CDH13: variants seen among roughly 807,000 people sequenced by gnomAD.
The protein encoded by CDH13 is cadherin 13, also known as cadherin-13.
In CDH13, 24 loss-of-function variants were observed where a neutral mutation model predicts 63.8. The observed-to-expected ratio is 0.38, with a 90% CI of 0.27 to 0.53. The LOEUF (loss-of-function observed/expected upper bound fraction) is 0.53. Among genes scored for constraint, CDH13 ranks in the 20% least tolerant of loss-of-function variants. The pLI is 0.85. For synonymous variants in CDH13, 503 were observed against 355.3 expected, an observed-to-expected ratio of 1.42 and a Z score of -4.67; for missense variants, 1,049 against 903.1, an observed-to-expected ratio of 1.16 and a Z score of -2.07.
intron 10 of CDH13, among the ~76,000 whole-genome samples, chr16:83,716,277 C>T (rs188533377): frequency 7.2e-5 from 11 of 152,260 alleles, no homozygotes; most frequent in Admixed American, 7.2e-4. Flanking sequence ...ACGTCATGAT[C>T]ACCAGAGGCC....
At chr16:83,500,990 A>G (rs1454562189) in intron 7 of CDH13, among the ~76,000 whole-genome samples, 1 of 152,166 alleles carries the variant, frequency 6.6e-6, no homozygotes, top group African/African-American at 2.4e-5. Flanking sequence ...AAGCATTCCA[A>G]ATGTTTTCAA....
chr16:83,445,643 T>C (rs954851863), intron 6 of CDH13, among the ~76,000 whole-genome samples: 3 of 152,200 alleles, frequency 2.0e-5, no homozygotes, highest in Middle Eastern at 3.2e-3. Context: ...ACCATCATGT[T>C]TTTTCTTTCT....
intron 4 of CDH13, among the ~76,000 whole-genome samples, chr16:83,185,503 A>G (rs12918218): frequency 0.068 from 10,296 of 152,290 alleles, 395 homozygotes; most frequent in Non-Finnish European, 0.078. Flanking sequence ...GCTAAACGCT[A>G]TATTTTCTCT....
intron 1 of CDH13, among the ~76,000 whole-genome samples, chr16:82,683,283 G>A (rs1914741295): frequency 6.6e-6 from 1 of 152,118 alleles, no homozygotes; most frequent in African/African-American, 2.4e-5. Context: ...CTAGCCTTCT[G>A]GTCTAACCTT....
At chr16:83,714,816 A>T (rs1232646069) in intron 10 of CDH13, among the ~76,000 whole-genome samples, 1 of 152,106 alleles carries the variant, frequency 6.6e-6, no homozygotes, top group East Asian at 1.9e-4. Context: ...GAGGGTTCTG[A>T]TGATACTCAT....
At chr16:82,907,992 T>C (rs564202124) in intron 2 of CDH13, among the ~76,000 whole-genome samples, 1 of 152,274 alleles carries the variant, frequency 6.6e-6, no homozygotes, top group East Asian at 1.9e-4. Context: ...CCCTAAGACC[T>C]TTCAGGAAAG....
chr16:83,745,969 T>A (rs1368533760), intron 10 of CDH13, among the ~76,000 whole-genome samples: 1 of 152,110 alleles, frequency 6.6e-6, no homozygotes, highest in Non-Finnish European at 1.5e-5. Context: ...TGAGTGTGGG[T>A]TCAGGGTCGC....
chr16:83,260,632 T>C (rs928561740), intron 5 of CDH13, among the ~76,000 whole-genome samples: 3 of 152,118 alleles, frequency 2.0e-5, no homozygotes, highest in African/African-American at 7.2e-5. Context: ...CTCCCCAAAG[T>C]GCGTTAGGCC....
chr16:82,896,275 G>GTTTTTTTTTTT (rs2041252984), intron 2 of CDH13, among the ~76,000 whole-genome samples: 3 of 73,272 alleles, frequency 4.1e-5, no homozygotes, highest in African/African-American at 5.5e-5. Context: ...CTAGGATTAG[G>GTTTTTTTTTTT]ATTTTTTTTT....
chr16:83,278,955 A>G (rs2089077588), intron 5 of CDH13, among the ~76,000 whole-genome samples: 1 of 152,204 alleles, frequency 6.6e-6, no homozygotes, highest in Non-Finnish European at 1.5e-5. Flanking sequence ...AGAAATACAG[A>G]AAGCACACAG....
intron 1 of CDH13, among the ~76,000 whole-genome samples, chr16:82,661,382 T>C (rs947663171): frequency 2.0e-5 from 3 of 152,194 alleles, no homozygotes; most frequent in South Asian, 2.1e-4. Context: ...CATTAAGAAA[T>C]AGACTTAAAT....
At chr16:83,409,640 G>A (rs1033061778) in intron 6 of CDH13, among the ~76,000 whole-genome samples, 1 of 152,184 alleles carries the variant, frequency 6.6e-6, no homozygotes, top group East Asian at 1.9e-4. Context: ...TTACCAACAT[G>A]CATCTGCCTA....
At chr16:83,487,575 G>T (rs948223302) in intron 7 of CDH13, among the ~76,000 whole-genome samples, 1 of 152,044 alleles carries the variant, frequency 6.6e-6, no homozygotes, top group Non-Finnish European at 1.5e-5. Flanking sequence ...AGACCCTCGC[G>T]GACCTCCAAA....
chr16:83,491,237 A>C (rs1310248032), intron 7 of CDH13, among the ~76,000 whole-genome samples: 2 of 152,212 alleles, frequency 1.3e-5, no homozygotes, highest in African/African-American at 4.8e-5. Flanking sequence ...GATGGACAGG[A>C]GTATCTGTGC....
At chr16:82,959,789 T>G (rs1906692216) in intron 2 of CDH13, among the ~76,000 whole-genome samples, 1 of 152,216 alleles carries the variant, frequency 6.6e-6, no homozygotes, top group Non-Finnish European at 1.5e-5. Context: ...CGGTTGTTGT[T>G]GTTTTTAACC....
At chr16:83,623,756 C>T (rs1218588730) in intron 8 of CDH13, among the ~76,000 whole-genome samples, 1 of 152,168 alleles carries the variant, frequency 6.6e-6, no homozygotes, top group Non-Finnish European at 1.5e-5. Context: ...TCTCAACAAA[C>T]CCAAACAAAC....
chr16:82,946,975 T>C (rs1904791417), intron 2 of CDH13, among the ~76,000 whole-genome samples: 1 of 151,266 alleles, frequency 6.6e-6, no homozygotes, highest in African/African-American at 2.4e-5. Flanking sequence ...CTAATAACAC[T>C]AGGCCAAAGT....
chr16:83,624,697 G>A (rs755604191), intron 8 of CDH13, among the ~76,000 whole-genome samples: 2 of 152,072 alleles, frequency 1.3e-5, no homozygotes, highest in African/African-American at 2.4e-5. Context: ...CAGGGGTTGG[G>A]GACCCTTGCC....
At chr16:83,437,805 T>G (rs1332416826) in intron 6 of CDH13, among the ~76,000 whole-genome samples, 5 of 152,162 alleles carry the variant, frequency 3.3e-5, no homozygotes, top group African/African-American at 9.7e-5. Flanking sequence ...CCCTGATGTA[T>G]AATAGTTTGG....
Sources: gnomAD v4.1 joint callset for allele counts (sites outside exome capture counted in the v4.1 genomes callset) on GRCh38, gnomAD v4.1.1 for gene constraint, MANE v1.5 for transcripts, NCBI Gene and HGNC (gene_info 2026-07-23, HGNC 2026-07-21) for gene names.